CDK14: variants seen among roughly 807,000 people sequenced by gnomAD.
CDK14 encodes the protein cyclin dependent kinase 14, also known as cyclin-dependent kinase 14.
In CDK14, 34 loss-of-function variants were observed where a neutral mutation model predicts 60.7. That is an observed-to-expected ratio of 0.56 (90% confidence interval 0.43 to 0.75). The LOEUF (loss-of-function observed/expected upper bound fraction) is 0.75, where lower values mean the gene tolerates loss of function less well. Ranked by LOEUF, CDK14 falls within the 30% of genes least tolerant of loss-of-function variation. The pLI, the probability that CDK14 is intolerant of heterozygous loss-of-function variation, is 0.00. For synonymous variants in CDK14, 197 were observed against 203.7 expected (o/e 0.97, Z 0.28); for missense variants, 482 against 564.1 (o/e 0.85, Z 1.47).
At position 90,980,386 on chromosome 7, in the gene CDK14, A is replaced by G. The variant is rs3808272; in HGVS notation, c.948-3762A>G. Among the ~76,000 whole-genome samples the G allele has an allele frequency of 1.1e-3, 172 of 152,330 alleles. 3 individuals carry two copies. In the East Asian group the frequency reaches 0.025, roughly 22 times the overall value. Reference sequence around the variant, plus strand: ...GAGACATTTCCTGATATAAGATTATATATCATAAATTATAGTGCTTAAGCA... The same window carrying G: ...GAGACATTTCCTGATATAAGATTATGTATCATAAATTATAGTGCTTAAGCA... On this transcript the variant is annotated intron_variant, in intron 9 of 14. Coordinates refer to ENST00000380050, the MANE Select transcript of CDK14 (RefSeq NM_001287135.2).
At chr7:90,726,340 G>C (rs1041698568) in intron 2 of CDK14, 1 of 977,822 alleles carries the variant, frequency 1.0e-6, no homozygotes, top group African/African-American at 1.8e-5. Flanking sequence ...TCTCATTTTA[G>C]AGGTAGATTT....
chr7:90,709,158 CT>C (rs577475064), intron 2 of CDK14: 5,114 of 186,344 alleles, frequency 0.027, 40 homozygotes, highest in African/African-American at 0.042. Context: ...TGCACCTGTG[CT>C]TTTTTTTTTT....
rs764949439 is a variant in CDK14 at position 90,955,847 on chromosome 7, T to A, written c.947+30T>A. On this transcript the variant is annotated intron_variant, in intron 9 of 14. Coordinates refer to ENST00000380050, the MANE Select transcript of CDK14 (RefSeq NM_001287135.2). ...GAAATGGAAGCTTTACTCTAGCTAA[T>A]CTATCTGTAGTGCTTGGTCTGGGTC... 14 of 1,610,298 alleles carry A rather than the reference T, an allele frequency of 8.7e-6. No individual in the cohort carries two copies. The African/African-American group carries it at 1.6e-4, about 18-fold the overall frequency.
intron 2 of CDK14, among the ~76,000 whole-genome samples, chr7:90,673,736 C>G (rs776857977): frequency 6.6e-6 from 1 of 152,126 alleles, no homozygotes. Context: ...TTGTAAATCA[C>G]AAAAGTATAA....
At chr7:91,105,850 A>G (rs1190588159) in intron 12 of CDK14, among the ~76,000 whole-genome samples, 1 of 152,188 alleles carries the variant, frequency 6.6e-6, no homozygotes, top group Non-Finnish European at 1.5e-5. Context: ...AAAACTGAAT[A>G]GGCAAATTTG....
chr7:90,669,116 A>AT (rs1400790850), intron 2 of CDK14, among the ~76,000 whole-genome samples: 2 of 151,788 alleles, frequency 1.3e-5, no homozygotes, highest in Admixed American at 1.3e-4. Context: ...CTCATCTGCC[A>AT]TCCCATCTCC....
chr7:90,696,412 C>A (rs1025749672), intron 2 of CDK14, among the ~76,000 whole-genome samples: 1 of 148,762 alleles, frequency 6.7e-6, no homozygotes, highest in Admixed American at 6.8e-5. Flanking sequence ...ACAACCTCAG[C>A]TCACTGCAAC....
intron 8 of CDK14, among the ~76,000 whole-genome samples, chr7:90,920,964 G>A (rs1012919251): frequency 7.9e-5 from 12 of 151,776 alleles, no homozygotes; most frequent in African/African-American, 2.2e-4. Context: ...AAGCAAAGTC[G>A]TATTTAAACC....
At chr7:90,639,773 C>G (rs947325109) in intron 2 of CDK14, among the ~76,000 whole-genome samples, 1 of 151,860 alleles carries the variant, frequency 6.6e-6, no homozygotes, top group African/African-American at 2.4e-5. Flanking sequence ...GGGCTCCACC[C>G]AGTTCGAGCT....
chr7:90,748,120 A>G (rs1803670140), intron 4 of CDK14, among the ~76,000 whole-genome samples: 1 of 152,168 alleles, frequency 6.6e-6, no homozygotes, highest in Non-Finnish European at 1.5e-5. Context: ...GAATAGGAGT[A>G]TTGATTTGAC....
intron 12 of CDK14, among the ~76,000 whole-genome samples, chr7:91,108,804 C>G (rs1562907789): frequency 6.6e-6 from 1 of 152,142 alleles, no homozygotes; most frequent in Admixed American, 6.5e-5. Flanking sequence ...CATGCAAAGT[C>G]CACATTGCAC....
chr7:90,950,624 A>G (rs1205436457), intron 8 of CDK14, among the ~76,000 whole-genome samples: 1 of 152,250 alleles, frequency 6.6e-6, no homozygotes, highest in Non-Finnish European at 1.5e-5. Flanking sequence ...TGTAGCAGTC[A>G]GCTGGAGACG....
At chr7:90,759,884 T>C (rs1484801086) in intron 4 of CDK14, among the ~76,000 whole-genome samples, 2 of 152,204 alleles carry the variant, frequency 1.3e-5, no homozygotes, top group Admixed American at 1.3e-4. Context: ...CTGCTTATGT[T>C]CAGTTTCTGT....
intron 8 of CDK14, among the ~76,000 whole-genome samples, chr7:90,924,411 A>G (rs1240498850): frequency 6.7e-6 from 1 of 148,834 alleles, no homozygotes; most frequent in Non-Finnish European, 1.5e-5. Flanking sequence ...GTGGGGACAA[A>G]CATTCAGTAA....
intron 5 of CDK14, among the ~76,000 whole-genome samples, chr7:90,838,220 G>A (rs181458562): frequency 3.0e-4 from 46 of 152,266 alleles, no homozygotes; most frequent in Non-Finnish European, 6.3e-4. Context: ...AAATTGTGAA[G>A]ATTTCATGGA....
intron 10 of CDK14, among the ~76,000 whole-genome samples, chr7:91,000,245 T>C (rs1158905631): frequency 6.6e-6 from 1 of 152,236 alleles, no homozygotes; most frequent in East Asian, 1.9e-4. Flanking sequence ...GAATCTAGCC[T>C]ATAATTTGTG....
At chr7:90,753,732 TA>T (rs1803941743) in intron 4 of CDK14, among the ~76,000 whole-genome samples, 1 of 151,882 alleles carries the variant, frequency 6.6e-6, no homozygotes, top group Non-Finnish European at 1.5e-5. Context: ...ATACAGAGTC[TA>T]AAGAGTCCGC....
At chr7:91,069,284 A>G (rs778111777) in intron 11 of CDK14, among the ~76,000 whole-genome samples, 1 of 152,200 alleles carries the variant, frequency 6.6e-6, no homozygotes, top group Admixed American at 6.5e-5. Flanking sequence ...CGTGCTTGTA[A>G]TCTCAGCTAC....
chr7:90,888,953 C>A (rs921064144), intron 6 of CDK14, among the ~76,000 whole-genome samples: 2 of 152,222 alleles, frequency 1.3e-5, no homozygotes, highest in Non-Finnish European at 2.9e-5. Context: ...TACTGCTTAA[C>A]CCTTTCCTCC....
Sources: gnomAD v4.1 joint callset for allele counts (sites outside exome capture counted in the v4.1 genomes callset) on GRCh38, gnomAD v4.1.1 for gene constraint, MANE v1.5 for transcripts, NCBI Gene and HGNC (gene_info 2026-07-23, HGNC 2026-07-21) for gene names.